SF3A2: variants seen among roughly 807,000 people sequenced by gnomAD.
The protein encoded by SF3A2 is SAP 62.
Under a neutral mutation model 31.1 loss-of-function variants are expected in SF3A2, and 5 were observed. The ratio of observed to expected loss-of-function variants is 0.16; its 90% confidence interval spans 0.08 to 0.34. SF3A2 has a LOEUF of 0.34. SF3A2 is among the 10% of genes least tolerant of loss of function. The pLI, the probability that SF3A2 is intolerant of heterozygous loss-of-function variation, is 1.00. For missense variants in SF3A2, 577 were observed against 643.9 expected (o/e 0.90, Z 1.13); for synonymous variants, 365 against 263.7 (o/e 1.38, Z -3.72).
rs2024929621 is a variant in SF3A2, at chr19:2,246,068, G to C, written c.355+513G>C. Among the ~76,000 whole-genome samples, 1 of 152,220 alleles carries C rather than the reference G, an allele frequency of 6.6e-6. No homozygotes were observed. The highest frequency in any genetic ancestry group is 6.5e-5 in the Admixed American group (1 of 15,284). ...TTCAGGAAGGCGGGCACGCTACCCA[G>C]CAAGTGTTCTTTACAGAAGGCGGGG... On this transcript the variant is annotated intron_variant, in intron 5 of 8. Coordinates refer to ENST00000221494, the MANE Select transcript of SF3A2 (RefSeq NM_007165.5). The surrounding 1 kb of genome is among the most constrained non-coding windows in gnomAD (Gnocchi z 5.5).
In SF3A2 at chr19:2,248,401, C is replaced by T. The variant is rs780248631; in HGVS notation, c.1250C>T (p.Ser417Leu). The T allele has an allele frequency of 1.6e-5, 22 of 1,381,130 alleles. No homozygotes were observed. In the South Asian group the frequency reaches 1.9e-4, roughly 12 times the overall value. 85.6% of individuals were successfully genotyped at this position (1,381,130 alleles called of 1,614,324 possible). A position where few individuals can be genotyped will look rare whatever the true frequency, so the allele number is the denominator to read the frequency against. Residue 417 changes from serine to leucine, a missense_variant, in exon 9 of 9, where the codon TCG becomes TTG. Ser to Leu is a moderately radical substitution (Grantham distance 145, BLOSUM62 -2). Around this residue, in one of 6 missense-constraint regions of SF3A2, gnomAD observed 462 missense variants for 339.1 expected, o/e 1.36. Transcript: ENST00000221494. ...VHPQPPGVHPSAPGVHPQPPG... is the reference protein window; with the variant it reads ...VHPQPPGVHPLAPGVHPQPPG... ...CCCCAACCTCCCGGGGTCCATCCGT[C>T]GGCTCCTGGGGTCCACCCTCAGCCT... is the stretch of plus-strand genomic sequence containing the variant.
rs60862139 is a variant in SF3A2 at position 2,248,021 on chromosome 19, G to T, written c.870G>T (p.Pro290=). The change falls in exon 9 of 9, where the codon CCG becomes CCT. Residue 290 remains proline (P), a synonymous_variant. Coordinates refer to ENST00000221494, the MANE Select transcript of SF3A2 (RefSeq NM_007165.5). ...LPPPAPGVHP[P]APVVHPPASG... ...CGCCAGCTCCAGGGGTCCACCCCCC[G>T]GCCCCAGTGGTGCATCCCCCTGCAT... 2.7e-6 allele frequency: 2 copies of T among 736,248 alleles called. No individual in the cohort carries two copies. The highest frequency in any genetic ancestry group is 3.1e-5 in the Admixed American group (1 of 32,258). The allele number at this position is 736,248 out of a possible 1,614,324, so 45.6% of individuals were successfully genotyped here.
At chr19:2,241,628 C>T (rs372558492) in intron 1 of SF3A2, among the ~76,000 whole-genome samples, 13 of 152,308 alleles carry the variant, frequency 8.5e-5, no homozygotes, top group African/African-American at 2.9e-4. Flanking sequence ...CTGCAGCTGA[C>T]GGCGCCAGCA....
chr19:2,246,001 G>T lies in SF3A2; in HGVS notation c.355+446G>T, dbSNP rs1166377252. Reference sequence around the variant, plus strand: ...AGGTGACCCCGGTTCAGAAAGCTGGGGAAGTGACCAGGGTGGAAGATAGAG... The same window carrying T: ...AGGTGACCCCGGTTCAGAAAGCTGGTGAAGTGACCAGGGTGGAAGATAGAG... On this transcript the variant is annotated intron_variant, in intron 5 of 8. Transcript: ENST00000221494. The surrounding 1 kb of genome is among the most constrained non-coding windows in gnomAD (Gnocchi z 5.5). Among the ~76,000 whole-genome samples the T allele has an allele frequency of 6.6e-6, 1 of 152,234 alleles. No individual in the cohort carries two copies. Among genetic ancestry groups the T allele is most frequent in the Non-Finnish European group, 1.5e-5 (1 of 68,040 alleles).
Position 2,245,426 on chromosome 19 carries a change from C to T in SF3A2, c.246-20C>T. 1.3e-6 allele frequency: 2 copies of T among 1,535,690 alleles called. No individual in the cohort carries two copies. Among genetic ancestry groups the T allele is most frequent in the Non-Finnish European group, 1.8e-6 (2 of 1,134,756 alleles). ...CCTGTGTGTGGAGGGGTCCCAGCAG[C>T]ACCTCCATCCTGTCCGCAGGGCCCG... On this transcript the variant is annotated intron_variant, in intron 4 of 8. Transcript: ENST00000221494. The surrounding 1 kb of genome is among the most constrained non-coding windows in gnomAD (Gnocchi z 4.2).
rs927940222 is a variant in SF3A2 at position 2,243,248 on chromosome 19, C to G, written c.-37-134C>G. On this transcript the variant is annotated intron_variant, in intron 1 of 8. Coordinates refer to ENST00000221494, the MANE Select transcript of SF3A2 (RefSeq NM_007165.5). ...GCGCTATGGGGTGGCCCCCTCAGGG[C>G]TGGTTAGACCCTGGCGCTGGGAGTG... 4.6e-6 allele frequency: 3 copies of G among 649,354 alleles called. No homozygotes were observed. In the Admixed American group the frequency reaches 1.2e-4, roughly 27 times the overall value. 40.2% of individuals were successfully genotyped at this position (649,354 alleles called of 1,614,324 possible).
At chr19:2,238,465 A>G (rs1555734009) in intron 1 of SF3A2, among the ~76,000 whole-genome samples, 1 of 152,146 alleles carries the variant, frequency 6.6e-6, no homozygotes, top group Non-Finnish European at 1.5e-5. Flanking sequence ...GGCTGTTGAG[A>G]TCTTCTCCCT....
intron 1 of SF3A2, 132 bp from the exon 2 acceptor site, chr19:2,243,250 G>T (rs2024905904): frequency 1.5e-6 from 1 of 673,898 alleles, no homozygotes; most frequent in Non-Finnish European, 2.3e-6. Flanking sequence ...CCTCAGGGCT[G>T]GTTAGACCCT....
intron 1 of SF3A2, among the ~76,000 whole-genome samples, chr19:2,242,295 G>A (rs1193636470): frequency 6.6e-6 from 1 of 152,250 alleles, no homozygotes. Flanking sequence ...TGGTTCTGGG[G>A]TCAGAGTCCA....
At chr19:2,244,704 G>A (rs766811538) in intron 3 of SF3A2, 29 bp from the exon 4 acceptor site, 34 of 1,613,744 alleles carry the variant, frequency 2.1e-5, no homozygotes, top group South Asian at 2.2e-5. Flanking sequence ...GCCCGGCCTC[G>A]AGTCATGCGT....
At chr19:2,239,750 C>T (rs1300639268) in intron 1 of SF3A2, among the ~76,000 whole-genome samples, 1 of 151,902 alleles carries the variant, frequency 6.6e-6, no homozygotes, top group Non-Finnish European at 1.5e-5. Flanking sequence ...TCTTGCTTTT[C>T]CTCCTGTTTT....
At chr19:2,247,166 C>T (rs919759309) in intron 7 of SF3A2, 144 bp downstream of exon 7, 15 of 840,574 alleles carry the variant, frequency 1.8e-5, no homozygotes, top group Non-Finnish European at 2.4e-5. Flanking sequence ...CTGCACAGGC[C>T]GGGCAGGGCA....
At position 2,248,165 on chromosome 19, in the gene SF3A2, T is replaced by TCCAGCCCCCGGGGTTCACCCA. The variant is rs776666294; in HGVS notation, c.1026_1046dup (p.Ala361_Pro367dup). On this transcript the variant is annotated inframe_insertion, in exon 9 of 9. Transcript: ENST00000221494. Reference sequence around the variant, plus strand: ...ACCCCCCAGCTCCTGGAGTCCACCCTCCAGCCCCCGGGGTTCACCCACCAG... The same window carrying TCCAGCCCCCGGGGTTCACCCA: ...ACCCCCCAGCTCCTGGAGTCCACCCTCCAGCCCCCGGGGTTCACCCACCAGCCCCCGGGGTTCACCCACCAG... The TCCAGCCCCCGGGGTTCACCCA allele has an allele frequency of 7.8e-6, 10 of 1,288,640 alleles. No homozygotes were observed. Among genetic ancestry groups the TCCAGCCCCCGGGGTTCACCCA allele is most frequent in the East Asian group, 3.2e-5 (1 of 31,182 alleles). The allele number at this position is 1,288,640 out of a possible 1,614,324, so 79.8% of individuals were successfully genotyped here.
Position 2,247,873 on chromosome 19 carries a change from T to G in SF3A2, c.722T>G (p.Leu241Arg). Residue 241 changes from leucine (L) to arginine (R), a missense_variant, in exon 9 of 9, where the codon CTG becomes CGG. Leu to Arg is a moderately radical substitution (Grantham distance 102, BLOSUM62 -2). Coordinates refer to ENST00000221494, the MANE Select transcript of SF3A2 (RefSeq NM_007165.5). The part of the protein sequence containing the change: ...KRPPPPLMNG[L>R]PPRPPLPESL... ...CCTCCACCCCCGCTGATGAACGGTC[T>G]GCCCCCTCGGCCACCGCTGCCTGAG... is the stretch of plus-strand genomic sequence containing the variant. 6.4e-7 allele frequency: 1 copy of G among 1,560,306 alleles called. No homozygotes were observed. Among genetic ancestry groups the G allele is most frequent in the Non-Finnish European group, 8.7e-7 (1 of 1,143,782 alleles).
intron 1 of SF3A2, among the ~76,000 whole-genome samples, 175 bp from the exon 2 acceptor site, chr19:2,243,207 C>G (rs2024905563): frequency 6.6e-6 from 1 of 152,196 alleles, no homozygotes; most frequent in Admixed American, 6.5e-5. Flanking sequence ...CCTCAGCCTC[C>G]TGGAAGAGAC....
intron 1 of SF3A2, among the ~76,000 whole-genome samples, chr19:2,240,883 G>T (rs767097102): frequency 6.6e-6 from 1 of 152,224 alleles, no homozygotes; most frequent in Admixed American, 6.5e-5. Flanking sequence ...TGCCTCTTCC[G>T]CATGGAGGAG....
At position 2,245,711 on chromosome 19, in the gene SF3A2, C is replaced by T. The variant is rs1429517672; in HGVS notation, c.355+156C>T. On this transcript the variant is annotated intron_variant, in intron 5 of 8. Coordinates refer to ENST00000221494, the MANE Select transcript of SF3A2 (RefSeq NM_007165.5). This position sits in a 1 kb window ranked among gnomAD's most constrained non-coding sequence, Gnocchi z 4.2. Reference sequence around the variant, plus strand: ...TCCCTCACCCACCTGCAGCCTCTGGCGTTGTGTCTGGGAGCTGTCAGGCTG... The same window carrying T: ...TCCCTCACCCACCTGCAGCCTCTGGTGTTGTGTCTGGGAGCTGTCAGGCTG... 4 of 640,434 alleles carry T rather than the reference C, an allele frequency of 6.2e-6. No individual in the cohort carries two copies. The highest frequency in any genetic ancestry group is 1.1e-5 in the Non-Finnish European group (4 of 355,970). The allele number at this position is 640,434 out of a possible 1,614,324, so 39.7% of individuals were successfully genotyped here.
intron 1 of SF3A2, among the ~76,000 whole-genome samples, chr19:2,241,382 G>A (rs550578175): frequency 3.3e-5 from 5 of 152,320 alleles, no homozygotes; most frequent in Admixed American, 1.3e-4. Context: ...AGGCAAGTGC[G>A]GCTGCGGCCT....
At position 2,244,493 on chromosome 19, in the gene SF3A2, G is replaced by A. The variant is rs775898909; in HGVS notation, c.127-51G>A. The A allele has an allele frequency of 8.8e-6, 13 of 1,480,612 alleles. 1 individual carries two copies. The highest frequency in any genetic ancestry group is 7.0e-5 in the South Asian group (6 of 85,684). The allele number at this position is 1,480,612 out of a possible 1,614,324, so 91.7% of individuals were successfully genotyped here. ...GGATCCCGCCTCTGAGGGCCTTGAC[G>A]GCAGCAGGCCGCGATCTTCTGTCTA... is the stretch of plus-strand genomic sequence containing the variant. On this transcript the variant is annotated intron_variant, in intron 2 of 8. Transcript: ENST00000221494.
Sources: gnomAD v4.1 joint callset for allele counts (sites outside exome capture counted in the v4.1 genomes callset) on GRCh38, gnomAD v4.1.1 for gene constraint, gnomAD v4.1.1 regional missense constraint, Gnocchi (gnomAD v3.1) non-coding constraint, MANE v1.5 for transcripts, NCBI Gene and HGNC (gene_info 2026-07-23, HGNC 2026-07-21) for gene names.